Variants in MAGI3 observed in about 807,000 individuals in gnomAD.
MAGI3 encodes membrane-associated guanylate kinase, WW and PDZ domain-containing protein 3.
Under a neutral mutation model 121.8 loss-of-function variants are expected in MAGI3, and 43 were observed. The ratio of observed to expected loss-of-function variants is 0.35; its 90% CI spans 0.28 to 0.46. The LOEUF (loss-of-function observed/expected upper bound fraction) is 0.46. Ranked by LOEUF, MAGI3 falls within the 20% of genes least tolerant of loss-of-function variation. MAGI3 has a pLI of 1.00. For synonymous variants in MAGI3, 553 were observed against 639.3 expected (o/e 0.86, Z 2.04); for missense variants, 1,547 against 1,797.3 (o/e 0.86, Z 2.52).
intron 1 of MAGI3, among the ~76,000 whole-genome samples, chr1:113,473,079 T>G (rs1655622445): frequency 6.6e-6 from 1 of 152,214 alleles, no homozygotes; most frequent in Non-Finnish European, 1.5e-5. Context: ...CAATTAGCAT[T>G]CTTTCATTTT....
At chr1:113,392,597 C>T (rs1217072748) in intron 1 of MAGI3, among the ~76,000 whole-genome samples, 1 of 152,144 alleles carries the variant, frequency 6.6e-6, no homozygotes, top group Non-Finnish European at 1.5e-5. Context: ...CACACAGACT[C>T]ACATGCTCCT....
At chr1:113,660,795 G>T (rs576019274) in intron 16 of MAGI3, among the ~76,000 whole-genome samples, 7 of 147,846 alleles carry the variant, frequency 4.7e-5, no homozygotes, top group African/African-American at 1.8e-4. Context: ...TTGAGATAGG[G>T]GTCTCACTGT....
chr1:113,465,346 T>C (rs868039494), intron 1 of MAGI3, among the ~76,000 whole-genome samples: 3 of 152,182 alleles, frequency 2.0e-5, no homozygotes, highest in Admixed American at 6.6e-5. Flanking sequence ...TTCTTTATTC[T>C]GTTCCATTGG....
At chr1:113,475,256 C>T (rs1354148880) in intron 1 of MAGI3, among the ~76,000 whole-genome samples, 1 of 152,178 alleles carries the variant, frequency 6.6e-6, no homozygotes, top group East Asian at 1.9e-4. Flanking sequence ...TTGCCCCAGC[C>T]AGAACTTCCA....
At chr1:113,670,391 G>A (rs1441868086) in intron 16 of MAGI3, among the ~76,000 whole-genome samples, 1 of 152,180 alleles carries the variant, frequency 6.6e-6, no homozygotes, top group Non-Finnish European at 1.5e-5. Context: ...ATAAAATAGT[G>A]ATGCATGTAT....
intron 1 of MAGI3, among the ~76,000 whole-genome samples, chr1:113,475,718 G>C (rs892487942): frequency 1.3e-5 from 2 of 152,148 alleles, no homozygotes; most frequent in East Asian, 1.9e-4. Context: ...CCAGGCTTTG[G>C]TATTAGGATC....
rs566887316 is a variant in MAGI3, at chr1:113,430,341, CAG to C, written c.316+38994_316+38995del. On this transcript the variant is annotated intron_variant, in intron 1 of 20. Coordinates refer to ENST00000307546, the MANE Select transcript of MAGI3 (RefSeq NM_001142782.2). ...AAATAAATGGAAGCATTATACTTAA[CAG>C]AACTCATTGATCAGATATGGAGCCA... Among the ~76,000 whole-genome samples, 28 of 152,246 alleles carry C rather than the reference CAG, an allele frequency of 1.8e-4. 1 individual carries two copies. The South Asian group carries it at 5.6e-3, about 30-fold the overall frequency.
At position 113,422,442 on chromosome 1, in the gene MAGI3, G is replaced by A. The variant is rs184785136; in HGVS notation, c.316+31093G>A. Among the ~76,000 whole-genome samples the A allele has an allele frequency of 5.3e-5, 8 of 152,358 alleles. No individual in the cohort carries two copies. The highest frequency in any genetic ancestry group is 5.2e-4 in the Admixed American group (8 of 15,306). On this transcript the variant is annotated intron_variant, in intron 1 of 20. Transcript: ENST00000307546. This position sits in a 1 kb window ranked among gnomAD's most constrained non-coding sequence, Gnocchi z 4.3. ...CCACTTGGCCTGTCAGGCTGCGTTT[G>A]GCTCATGATGCCTGCCCGGATCCCA... is the stretch of plus-strand genomic sequence containing the variant.
At chr1:113,394,032 G>C (rs1650962482) in intron 1 of MAGI3, among the ~76,000 whole-genome samples, 1 of 152,208 alleles carries the variant, frequency 6.6e-6, no homozygotes, top group South Asian at 2.1e-4. Context: ...GCAGAAGGAT[G>C]AGCTGGGTTG....
chr1:113,672,276 G>A lies in MAGI3; in HGVS notation c.2919-339G>A, dbSNP rs144149935. Among the ~76,000 whole-genome samples, 850 of 152,194 alleles carry A rather than the reference G, an allele frequency of 5.6e-3. 8 individuals are homozygous for A. The highest frequency in any genetic ancestry group is 7.3e-3 in the Non-Finnish European group (499 of 67,994). On this transcript the variant is annotated intron_variant, in intron 17 of 20. Coordinates refer to ENST00000307546, the MANE Select transcript of MAGI3 (RefSeq NM_001142782.2). ...ATTTCCAGAAATCCAGCATCTTCAC[G>A]GGCATTGGTGCTGCAGGAGAGCCAT...
intron 9 of MAGI3, among the ~76,000 whole-genome samples, chr1:113,640,435 G>A (rs763556748): frequency 7.9e-5 from 12 of 152,140 alleles, no homozygotes; most frequent in Non-Finnish European, 1.8e-4. Context: ...GCACACGTAT[G>A]TTTATTGCAG....
chr1:113,461,823 A>G (rs1240293021), intron 1 of MAGI3, among the ~76,000 whole-genome samples: 2 of 152,248 alleles, frequency 1.3e-5, no homozygotes, highest in Non-Finnish European at 2.9e-5. Context: ...CAAACTATGC[A>G]TCTGACAAAG....
At chr1:113,668,756 G>A (rs1307138437) in intron 16 of MAGI3, among the ~76,000 whole-genome samples, 3 of 151,070 alleles carry the variant, frequency 2.0e-5, no homozygotes, top group Non-Finnish European at 3.0e-5. Context: ...CTAATTTTTT[G>A]TATTTTTAGT....
At chr1:113,680,663 A>C (rs1359271117) in intron 19 of MAGI3, among the ~76,000 whole-genome samples, 1 of 152,088 alleles carries the variant, frequency 6.6e-6, no homozygotes, top group Non-Finnish European at 1.5e-5. Flanking sequence ...AGGCTGAGGT[A>C]GTAGAATGGC....
At position 113,642,430 on chromosome 1, in the gene MAGI3, T is replaced by C. The variant is rs1652599532; in HGVS notation, c.1880T>C (p.Val627Ala). 6.2e-7 allele frequency: 1 copy of C among 1,614,174 alleles called. No individual in the cohort carries two copies. The highest frequency in any genetic ancestry group is 8.5e-7 in the Non-Finnish European group (1 of 1,180,024). Residue 627 changes from valine (V) to alanine (A), a missense_variant, in exon 10 of 21, where the codon GTG (valine) becomes GCG (alanine). Val to Ala is a moderately conservative substitution (Grantham distance 64). Transcript: ENST00000307546. ...ATTAAGGAAATATACCATCAAAATG[T>C]GCAGAATTTAACACATCTCCAAGTG... is the stretch of plus-strand genomic sequence containing the variant. Reference protein sequence around the residue: ...DIIKEIYHQNVQNLTHLQVVE... With the variant: ...DIIKEIYHQNAQNLTHLQVVE...
intron 9 of MAGI3, among the ~76,000 whole-genome samples, chr1:113,632,040 A>G (rs1428332540): frequency 2.6e-5 from 4 of 152,218 alleles, no homozygotes; most frequent in African/African-American, 4.8e-5. Flanking sequence ...TATTTCACAT[A>G]CCGTGAAAAT....
At chr1:113,641,453 G>C (rs1195415759) in intron 9 of MAGI3, among the ~76,000 whole-genome samples, 1 of 151,420 alleles carries the variant, frequency 6.6e-6, no homozygotes, top group Non-Finnish European at 1.5e-5. Flanking sequence ...GTCTTTTTCA[G>C]TGTATGTATA....
At chr1:113,630,741 C>G (rs181264130) in intron 9 of MAGI3, among the ~76,000 whole-genome samples, 1 of 152,284 alleles carries the variant, frequency 6.6e-6, no homozygotes, top group Non-Finnish European at 1.5e-5. Flanking sequence ...AGCCACTGTG[C>G]TCCCCCTCTC....
At chr1:113,648,636 G>A (rs1367476253) in intron 12 of MAGI3, among the ~76,000 whole-genome samples, 1 of 151,774 alleles carries the variant, frequency 6.6e-6, no homozygotes, top group African/African-American at 2.4e-5. Flanking sequence ...CACTTGCTAT[G>A]TGACAATGGC....
Sources: allele counts gnomAD v4.1 joint callset (sites outside exome capture counted in the v4.1 genomes callset), GRCh38; gene constraint gnomAD v4.1.1; non-coding constraint Gnocchi (gnomAD v3.1); transcripts MANE v1.5; gene names NCBI Gene and HGNC (gene_info 2026-07-23, HGNC 2026-07-21).